EPG5: variants seen among roughly 807,000 people sequenced by gnomAD.
The protein encoded by EPG5 is ectopic P-granules 5 autophagy tethering factor.
Under a neutral mutation model 302.7 loss-of-function variants are expected in EPG5, and 159 were observed. That is an observed-to-expected ratio of 0.53 (90% CI 0.46 to 0.60). The LOEUF is 0.60. EPG5 is among the 20% of genes least tolerant of loss of function. EPG5 has a pLI of 0.00. For synonymous variants in EPG5, 1,158 were observed against 1,136.8 expected (o/e 1.02, Z -0.37); for missense variants, 2,896 against 3,092.4 (o/e 0.94, Z 1.51).
chr18:45,891,620 T>G (rs1461328233), intron 27 of EPG5, among the ~76,000 whole-genome samples: 1 of 152,072 alleles, frequency 6.6e-6, no homozygotes, highest in Non-Finnish European at 1.5e-5. Flanking sequence ...TTTATGACTG[T>G]GATAATAATA....
chr18:45,880,158 C>T lies in EPG5; in HGVS notation c.5584G>A (p.Ala1862Thr), dbSNP rs34977955. The part of the protein sequence containing the change: ...KATLRALGCC[A>T]PSCQQGAAST... ...GCTGCCCCCTGCTGGCAGCTGGGGGCGCAGCAGCCCAGGGCTCTCAGAGTG... is the reference window on the plus strand; with the variant it reads ...GCTGCCCCCTGCTGGCAGCTGGGGGTGCAGCAGCCCAGGGCTCTCAGAGTG... The change falls in exon 32 of 44, where the codon GCC (alanine) becomes ACC (threonine). Residue 1862 changes from alanine (A) to threonine (T), a missense_variant. By Grantham distance (58) the Ala-to-Thr change is moderately conservative (BLOSUM62 0). Transcript: ENST00000282041. 1,043 of 1,611,458 alleles carry T rather than the reference C, an allele frequency of 6.5e-4. 6 individuals are homozygous for T. In the African/African-American group the frequency reaches 0.011, roughly 18 times the overall value.
intron 7 of EPG5, 22 bp downstream of exon 7, chr18:45,946,641 T>C: frequency 6.4e-7 from 1 of 1,557,878 alleles, no homozygotes; most frequent in East Asian, 2.2e-5. Flanking sequence ...TTCATCAAAA[T>C]AATGCAGATA....
intron 24 of EPG5, 81 bp from the exon 25 acceptor site, chr18:45,904,198 G>A (rs2145612636): frequency 1.3e-6 from 2 of 1,490,212 alleles, no homozygotes; most frequent in East Asian, 2.5e-5. Context: ...ACTATAAAGT[G>A]AACCAGTAAG....
intron 31 of EPG5, among the ~76,000 whole-genome samples, chr18:45,881,788 G>A (rs571813010): frequency 1.3e-5 from 2 of 152,124 alleles, no homozygotes; most frequent in East Asian, 3.8e-4. Context: ...TATAAATAAA[G>A]TCTATCATTA....
At chr18:45,811,115 C>T in the EPG5 span, among the ~76,000 whole-genome samples, 87 of 152,132 alleles carry the variant, frequency 5.7e-4, no homozygotes, top group African/African-American at 2.0e-3. Flanking sequence ...AAGATAAGGA[C>T]GCCCACTCTC....
chr18:45,953,169 T>C (rs1452703828), intron 2 of EPG5: 2 of 504,566 alleles, frequency 4.0e-6, no homozygotes, highest in Non-Finnish European at 5.1e-6. Flanking sequence ...CTAGACTCCA[T>C]CTAAAAAAAA....
At chr18:45,898,051 C>T (rs1392285043) in intron 27 of EPG5, among the ~76,000 whole-genome samples, 2 of 152,194 alleles carry the variant, frequency 1.3e-5, no homozygotes, top group Non-Finnish European at 2.9e-5. Flanking sequence ...AGGAGGAATA[C>T]AGTGCGGTGA....
chr18:45,814,556 T>C, the EPG5 span, among the ~76,000 whole-genome samples: 1 of 152,174 alleles, frequency 6.6e-6, no homozygotes, highest in Non-Finnish European at 1.5e-5. Context: ...ACTATACAGT[T>C]ATTATGTAAG....
At chr18:45,925,646 G>A in intron 14 of EPG5, 92 bp downstream of exon 14, 2 of 985,192 alleles carry the variant, frequency 2.0e-6, no homozygotes, top group Non-Finnish European at 2.8e-6. Context: ...CTTGCAAATG[G>A]TACTCAGAAA....
At position 45,916,316 on chromosome 18, in the gene EPG5, T is replaced by C. The variant is rs139491623; in HGVS notation, c.3385-110A>G. 1,061 of 1,522,970 alleles carry C rather than the reference T, an allele frequency of 7.0e-4. 1 individual carries two copies. In the African/African-American group the frequency reaches 0.013, roughly 19 times the overall value. 94.3% of individuals were successfully genotyped at this position (1,522,970 alleles called of 1,614,324 possible). ...CTACAAATCCCAAATCTATTGCCTT[T>C]CTTGGCCAAAAGCACACTAAGCCAA... On this transcript the variant is annotated intron_variant, in intron 18 of 43. Transcript: ENST00000282041.
chr18:45,825,753 G>C, the EPG5 span: 1 of 1,614,248 alleles, frequency 6.2e-7, no homozygotes, highest in Non-Finnish European at 8.5e-7. Context: ...CTGGCTGCTG[G>C]CCTGCTTGGC....
chr18:45,910,647 G>A lies in EPG5; in HGVS notation c.4079C>T (p.Ala1360Val). 2 of 1,614,166 alleles carry A rather than the reference G, an allele frequency of 1.2e-6. No homozygotes were observed. Among genetic ancestry groups the A allele is most frequent in the Non-Finnish European group, 8.5e-7 (1 of 1,180,022 alleles). Residue 1360 changes from alanine (A) to valine (V), a missense_variant, in exon 23 of 44, where the codon GCT becomes GTT. Physicochemically the swap from Ala to Val is moderately conservative, Grantham distance 64. This residue lies in a region of EPG5 where 790 missense variants were observed against 798.0 expected (regional missense o/e 0.99). Transcript: ENST00000282041. Reference sequence around the variant, plus strand: ...CTTGCTTGCAGCATGGTGGAAGTCAGCCACCTCGGTCAAACGTCTCTTCAT... The same window carrying A: ...CTTGCTTGCAGCATGGTGGAAGTCAACCACCTCGGTCAAACGTCTCTTCAT... ...KEMKRRLTEVADFHHAASKAL... is the reference protein window; with the variant it reads ...KEMKRRLTEVVDFHHAASKAL...
intron 10 of EPG5, among the ~76,000 whole-genome samples, chr18:45,937,064 A>T (rs943730710): frequency 2.0e-5 from 3 of 151,998 alleles, no homozygotes; most frequent in African/African-American, 7.2e-5. Context: ...CTATCTTATT[A>T]GTTAATTATC....
chr18:45,892,546 C>T (rs2049376433), intron 27 of EPG5, among the ~76,000 whole-genome samples: 1 of 152,206 alleles, frequency 6.6e-6, no homozygotes, highest in African/African-American at 2.4e-5. Context: ...AAATTTTTCA[C>T]ATGATAATAA....
the EPG5 span, among the ~76,000 whole-genome samples, chr18:45,816,399 C>T: frequency 6.6e-6 from 1 of 151,756 alleles, no homozygotes; most frequent in East Asian, 1.9e-4. Context: ...GGACTAATAT[C>T]CCGAATCTAC....
chr18:45,882,359 A>G lies in EPG5; in HGVS notation c.5433T>C (p.Phe1811=), dbSNP rs776113246. 4.3e-6 allele frequency: 7 copies of G among 1,614,214 alleles called. No individual in the cohort carries two copies. In the South Asian group the frequency reaches 7.7e-5, roughly 18 times the overall value. ...LEPDEDILMP[F]NLFCKHWTYL... Reference sequence around the variant, plus strand: ...AAGTCCAGTGCTTACAGAAAAGATTAAATGGCATCAAAATATCCTCATCTG... The same window carrying G: ...AAGTCCAGTGCTTACAGAAAAGATTGAATGGCATCAAAATATCCTCATCTG... The change falls in exon 31 of 44, where the codon TTT becomes TTC. Residue 1811 remains phenylalanine (F), a synonymous_variant. Coordinates refer to ENST00000282041, the MANE Select transcript of EPG5 (RefSeq NM_020964.3).
At chr18:45,833,287 G>C in the EPG5 span, among the ~76,000 whole-genome samples, 1 of 152,016 alleles carries the variant, frequency 6.6e-6, no homozygotes, top group African/African-American at 2.4e-5. Flanking sequence ...GCACCTGATG[G>C]GGTTGTTGTG....
chr18:45,896,571 G>T (rs1440285184), intron 27 of EPG5, among the ~76,000 whole-genome samples: 1 of 151,404 alleles, frequency 6.6e-6, no homozygotes, highest in Admixed American at 6.6e-5. Context: ...TTGAGACAGG[G>T]TCTCACTCTG....
chr18:45,922,226 C>T (rs1338471024), intron 16 of EPG5, 115 bp downstream of exon 16: 5 of 1,304,292 alleles, frequency 3.8e-6, no homozygotes, highest in East Asian at 4.7e-5. Flanking sequence ...TATTATTTGG[C>T]CCAATTGCTC....
Sources: gnomAD v4.1 joint callset for allele counts (sites outside exome capture counted in the v4.1 genomes callset) on GRCh38, gnomAD v4.1.1 for gene constraint, gnomAD v4.1.1 regional missense constraint, MANE v1.5 for transcripts, NCBI Gene and HGNC (gene_info 2026-07-23, HGNC 2026-07-21) for gene names.